PGGT1B: variants seen among roughly 807,000 people sequenced by gnomAD.
PGGT1B encodes the protein protein geranylgeranyltransferase type I subunit beta.
PGGT1B carries 30 observed loss-of-function variants against 46.1 expected under a neutral mutation model. The ratio of observed to expected loss-of-function variants is 0.65; its 90% confidence interval spans 0.49 to 0.88. The LOEUF (loss-of-function observed/expected upper bound fraction) is 0.88, where lower values mean the gene tolerates loss of function less well. Ranked by LOEUF, PGGT1B falls within the 40% of genes least tolerant of loss-of-function variation. PGGT1B has a pLI of 0.00. For missense variants in PGGT1B, 376 were observed against 455.9 expected, an observed-to-expected ratio of 0.82 and a Z score of 1.60; for synonymous variants, 170 against 160.0, an observed-to-expected ratio of 1.06 and a Z score of -0.47.
chr5:115,241,993 A>G (rs1272031037), intron 2 of PGGT1B, among the ~76,000 whole-genome samples: 1 of 152,208 alleles, frequency 6.6e-6, no homozygotes, highest in African/African-American at 2.4e-5. Flanking sequence ...TAATAACACA[A>G]TAGGGTCTAC....
At position 115,204,956 on chromosome 5, in the gene PGGT1B, A is replaced by T. The variant is rs1430749209; in HGVS notation, c.*7446T>A. ...TAGAAAAAAGATACTCTGTAACAGA[A>T]TCTCATTTGTGGGTGTTCTAGTGTG... On this transcript the variant is annotated 3_prime_UTR_variant, in exon 9 of 9. Transcript: ENST00000419445. 2 of 152,304 alleles carry T rather than the reference A, an allele frequency of 1.3e-5. No homozygotes were observed. The highest frequency in any genetic ancestry group is 3.9e-4 in the East Asian group (2 of 5,190). 9.4% of individuals were successfully genotyped at this position (152,304 alleles called of 1,614,324 possible).
rs140251895 is a variant in PGGT1B, at chr5:115,246,520, C to T, written c.260-4914G>A. On this transcript the variant is annotated intron_variant, in intron 2 of 8. Coordinates refer to ENST00000419445, the MANE Select transcript of PGGT1B (RefSeq NM_005023.4). Reference sequence around the variant, plus strand: ...CACACACAATTCATTGTAAATTTATCGCTGAATGCATACTCTGGGTACAGT... The same window carrying T: ...CACACACAATTCATTGTAAATTTATTGCTGAATGCATACTCTGGGTACAGT... Among the ~76,000 whole-genome samples, 5 of 152,242 alleles carry T rather than the reference C, an allele frequency of 3.3e-5. No homozygotes were observed. In the South Asian group the frequency reaches 6.2e-4, roughly 19 times the overall value.
At chr5:115,226,077 T>C (rs1280753326) in intron 6 of PGGT1B, among the ~76,000 whole-genome samples, 1 of 29,772 alleles carries the variant, frequency 3.4e-5, no homozygotes, top group Non-Finnish European at 6.8e-5. Context: ...AATCCTGAGT[T>C]GGCGGGGGTG....
At chr5:115,224,742 T>C (rs1238673993) in intron 6 of PGGT1B, among the ~76,000 whole-genome samples, 1 of 151,058 alleles carries the variant, frequency 6.6e-6, no homozygotes, top group East Asian at 1.9e-4. Flanking sequence ...GGCATGGTGG[T>C]GTGCACCTGT....
Position 115,210,282 on chromosome 5 carries a change from C to CAA in PGGT1B, c.*2119_*2120insTT. ...TTTGAGATTTCGGACTTCGTATTTT[C>CAA]CCTCATTACATCGCTCCTGTTAAGG... On this transcript the variant is annotated 3_prime_UTR_variant, in exon 9 of 9. Transcript: ENST00000419445. 6.6e-6 allele frequency: 1 copy of CAA among 152,032 alleles called. No individual in the cohort carries two copies. Among genetic ancestry groups the CAA allele is most frequent in the South Asian group, 2.1e-4 (1 of 4,814 alleles). The allele number at this position is 152,032 out of a possible 1,614,324, so 9.4% of individuals were successfully genotyped here.
At chr5:115,217,376 T>A (rs1329058940) in intron 7 of PGGT1B, among the ~76,000 whole-genome samples, 1 of 151,894 alleles carries the variant, frequency 6.6e-6, no homozygotes, top group Non-Finnish European at 1.5e-5. Flanking sequence ...AAATATTTTT[T>A]AAAAAAAGAG....
intron 2 of PGGT1B, among the ~76,000 whole-genome samples, chr5:115,250,145 A>G (rs1748027647): frequency 6.6e-6 from 1 of 152,258 alleles, no homozygotes; most frequent in East Asian, 1.9e-4. Context: ...AAATCTATCA[A>G]ATTTTTGCTT....
At chr5:115,250,893 A>G (rs1375243895) in intron 2 of PGGT1B, among the ~76,000 whole-genome samples, 1 of 152,134 alleles carries the variant, frequency 6.6e-6, no homozygotes, top group African/African-American at 2.4e-5. Flanking sequence ...TCTTTCTCTC[A>G]TAAACATGCT....
chr5:115,254,499 G>A (rs1421992824), intron 1 of PGGT1B, among the ~76,000 whole-genome samples: 1 of 151,942 alleles, frequency 6.6e-6, no homozygotes, highest in Non-Finnish European at 1.5e-5. Flanking sequence ...CTTCATGTCA[G>A]TGCTCAAACC....
chr5:115,214,017 T>A lies in PGGT1B; in HGVS notation c.953-1434A>T, dbSNP rs143241488. Among the ~76,000 whole-genome samples the A allele has an allele frequency of 5.8e-3, 890 of 152,296 alleles. 4 individuals are homozygous for A. The highest frequency in any genetic ancestry group is 8.6e-3 in the Non-Finnish European group (584 of 68,014). Reference sequence around the variant, plus strand: ...GCTCACTTTCCTTTGACTTTCAGACTATAAAAAATAAACTTGATTTCACCT... The same window carrying A: ...GCTCACTTTCCTTTGACTTTCAGACAATAAAAAATAAACTTGATTTCACCT... On this transcript the variant is annotated intron_variant, in intron 8 of 8. Coordinates refer to ENST00000419445, the MANE Select transcript of PGGT1B (RefSeq NM_005023.4).
At chr5:115,218,413 AT>A (rs1440359315) in intron 7 of PGGT1B, among the ~76,000 whole-genome samples, 1 of 140,062 alleles carries the variant, frequency 7.1e-6, no homozygotes, top group African/African-American at 2.6e-5. Context: ...ATATATATAT[AT>A]GTCATATATA....
chr5:115,238,075 C>G (rs2127012250), intron 3 of PGGT1B, 66 bp from the exon 4 acceptor site: 22 of 1,173,646 alleles, frequency 1.9e-5, no homozygotes, highest in Non-Finnish European at 2.5e-5. Flanking sequence ...ATTAAGAAAT[C>G]TGACATAAGG....
At chr5:115,216,789 T>C (rs2126989510) in intron 8 of PGGT1B, 76 bp downstream of exon 8, 2 of 765,002 alleles carry the variant, frequency 2.6e-6, no homozygotes, top group Admixed American at 4.4e-5. Flanking sequence ...TTCTATCATA[T>C]GCCTTTTCTG....
At chr5:115,250,930 G>A (rs984702625) in intron 2 of PGGT1B, among the ~76,000 whole-genome samples, 7 of 152,126 alleles carry the variant, frequency 4.6e-5, no homozygotes, top group African/African-American at 1.7e-4. Context: ...ATAACTGAAT[G>A]TAGTTGTAGA....
chr5:115,258,957 A>C (rs181775184), intron 1 of PGGT1B, among the ~76,000 whole-genome samples: 1 of 152,274 alleles, frequency 6.6e-6, no homozygotes, highest in East Asian at 1.9e-4. Context: ...CCATAAAGTA[A>C]ATTTCTAAGA....
In PGGT1B at chr5:115,205,987, G is replaced by A. The variant is rs984427031; in HGVS notation, c.*6415C>T. 6.6e-6 allele frequency: 1 copy of A among 151,700 alleles called. No individual in the cohort carries two copies. The highest frequency in any genetic ancestry group is 1.5e-5 in the Non-Finnish European group (1 of 67,882). The allele number at this position is 151,700 out of a possible 1,614,324, so 9.4% of individuals were successfully genotyped here. On this transcript the variant is annotated 3_prime_UTR_variant, in exon 9 of 9. Transcript: ENST00000419445. ...AATGGTAAAAAGTGCAATTACTTATGCACTGACCTAATATGTTTATGCAAC... is the reference window on the plus strand; with the variant it reads ...AATGGTAAAAAGTGCAATTACTTATACACTGACCTAATATGTTTATGCAAC...
At position 115,207,808 on chromosome 5, in the gene PGGT1B, T is replaced by C. The variant is rs1378318965; in HGVS notation, c.*4594A>G. 1 of 152,086 alleles carries C rather than the reference T, an allele frequency of 6.6e-6. No homozygotes were observed. Among genetic ancestry groups the C allele is most frequent in the Non-Finnish European group, 1.5e-5 (1 of 67,962 alleles). 9.4% of individuals were successfully genotyped at this position (152,086 alleles called of 1,614,324 possible). A position where few individuals can be genotyped will look rare whatever the true frequency, so the allele number is the denominator to read the frequency against. ...CTATAACTCTCAACACATTGTTAAG[T>C]AGCAGAGGAGTTAGTGGGCATGTCT... On this transcript the variant is annotated 3_prime_UTR_variant, in exon 9 of 9. Transcript: ENST00000419445.
intron 7 of PGGT1B, among the ~76,000 whole-genome samples, chr5:115,217,214 C>T (rs953312490): frequency 1.3e-5 from 2 of 151,924 alleles, no homozygotes; most frequent in Admixed American, 1.3e-4. Context: ...CAACTGAACC[C>T]TTTAAATCAC....
chr5:115,254,438 A>C (rs578253816), intron 1 of PGGT1B, among the ~76,000 whole-genome samples: 4 of 152,080 alleles, frequency 2.6e-5, no homozygotes, highest in Admixed American at 6.6e-5. Context: ...AATTTTGTGC[A>C]TGAAACAAAG....
Sources: allele counts gnomAD v4.1 joint callset (sites outside exome capture counted in the v4.1 genomes callset), GRCh38; gene constraint gnomAD v4.1.1; transcripts MANE v1.5; gene names NCBI Gene and HGNC (gene_info 2026-07-23, HGNC 2026-07-21).